Variants in SPEF2 observed in about 807,000 individuals in gnomAD.
SPEF2 encodes the protein sperm flagella and cilia-associated protein 2.
A neutral mutation model predicts 224.6 loss-of-function variants in SPEF2; 187 were observed. The ratio of observed to expected loss-of-function variants is 0.83; its 90% confidence interval spans 0.74 to 0.94. The LOEUF is 0.94. Ranked by LOEUF, SPEF2 falls within the 40% of genes least tolerant of loss-of-function variation. SPEF2 has a pLI of 0.00. For missense variants in SPEF2, 2,170 were observed against 2,135.6 expected (o/e 1.02, Z -0.32); for synonymous variants, 715 against 707.3 (o/e 1.01, Z -0.17).
intron 19 of SPEF2, chr5:35,709,992 A>T (rs2149593318): frequency 1.0e-6 from 1 of 982,420 alleles, no homozygotes; most frequent in African/African-American, 1.7e-5. Flanking sequence ...ATAGGTCTTA[A>T]TTTTTAAAAT....
At chr5:35,802,687 G>A (rs545092139) in intron 34 of SPEF2, among the ~76,000 whole-genome samples, 3 of 152,318 alleles carry the variant, frequency 2.0e-5, no homozygotes, top group African/African-American at 7.2e-5. Flanking sequence ...AGCACTTGAA[G>A]TGAGGACAAC....
rs565256061 is a variant in SPEF2, at chr5:35,753,679, A to T, written c.3386A>T (p.Gln1129Leu). The T allele has an allele frequency of 1.2e-6, 2 of 1,614,190 alleles. No homozygotes were observed. Among genetic ancestry groups the T allele is most frequent in the South Asian group, 2.2e-5 (2 of 91,074 alleles). ...GATGCCCGGAAGGAAGAGGCGGAGC[A>T]GGAGCGGCTTGACATCATTAATGAG... ...ICDARKEEAE[Q>L]ERLDIINESW... The change falls in exon 24 of 37, where the codon CAG becomes CTG. Residue 1129 changes from glutamine (Q) to leucine (L), a missense_variant. Gln to Leu is a moderately radical substitution (Grantham distance 113). Transcript: ENST00000356031.
At chr5:35,739,437 C>A (rs1466126804) in intron 21 of SPEF2, among the ~76,000 whole-genome samples, 2 of 152,162 alleles carry the variant, frequency 1.3e-5, no homozygotes, top group Non-Finnish European at 2.9e-5. Flanking sequence ...GGCTGGAGTG[C>A]AACAGCATGA....
intron 2 of SPEF2, among the ~76,000 whole-genome samples, chr5:35,640,429 A>G (rs761011281): frequency 6.6e-6 from 1 of 152,212 alleles, no homozygotes; most frequent in Non-Finnish European, 1.5e-5. Context: ...GAATGGAAGC[A>G]CATGTCATTG....
rs754295649 is a variant in SPEF2 at position 35,617,953 on chromosome 5, CGAGT to C, written c.-44_-41del. The C allele has an allele frequency of 4.5e-6, 7 of 1,550,090 alleles. No individual in the cohort carries two copies. Among genetic ancestry groups the C allele is most frequent in the Non-Finnish European group, 6.1e-6 (7 of 1,143,386 alleles). On this transcript the variant is annotated 5_prime_UTR_variant, in exon 1 of 37. Transcript: ENST00000356031. ...GCGGGCTGGCAGGCTTGGTTCCTGG[CGAGT>C]TTCTAAGCCCCCGCCTGCGGTCTGA... is the stretch of plus-strand genomic sequence containing the variant.
intron 21 of SPEF2, among the ~76,000 whole-genome samples, chr5:35,733,175 C>T (rs1745942740): frequency 6.6e-6 from 1 of 151,860 alleles, no homozygotes. Context: ...AGTGCAGTGG[C>T]ATGATCTTGG....
intron 24 of SPEF2, among the ~76,000 whole-genome samples, chr5:35,754,063 C>G (rs566008768): frequency 6.6e-6 from 1 of 152,242 alleles, no homozygotes; most frequent in South Asian, 2.1e-4. Flanking sequence ...AGTTATCTCA[C>G]CAGACTCTCA....
chr5:35,727,616 A>C, intron 20 of SPEF2, 59 bp from the exon 21 acceptor site: 7 of 1,420,452 alleles, frequency 4.9e-6, no homozygotes, highest in Non-Finnish European at 6.8e-6. Context: ...GTATTCATCT[A>C]CCAGAATTCT....
intron 34 of SPEF2, 130 bp from the exon 35 acceptor site, chr5:35,806,577 G>C: frequency 8.6e-7 from 1 of 1,157,826 alleles, no homozygotes; most frequent in South Asian, 1.6e-5. Context: ...CTCTAGACTG[G>C]TTAGCTAGTT....
chr5:35,643,787 AC>A, intron 3 of SPEF2: 1 of 263,344 alleles, frequency 3.8e-6, no homozygotes, highest in Non-Finnish European at 7.7e-6. Context: ...ATATTATCTC[AC>A]TGGATCTTCA....
chr5:35,703,827 G>A (rs1412684982), intron 16 of SPEF2, among the ~76,000 whole-genome samples: 1 of 152,180 alleles, frequency 6.6e-6, no homozygotes, highest in Non-Finnish European at 1.5e-5. Flanking sequence ...TGGAGATGAA[G>A]AACAACTGAT....
chr5:35,790,311 A>G (rs996472532), intron 30 of SPEF2: 11 of 596,768 alleles, frequency 1.8e-5, no homozygotes, highest in African/African-American at 1.1e-4. Context: ...ACCGTCTTCA[A>G]CTGGTGACAC....
chr5:35,768,435 A>G (rs1177747364), intron 26 of SPEF2, among the ~76,000 whole-genome samples: 1 of 152,166 alleles, frequency 6.6e-6, no homozygotes, highest in Non-Finnish European at 1.5e-5. Flanking sequence ...TTAGAAAGGG[A>G]GGATCATATA....
chr5:35,635,256 A>C (rs1310176769), intron 2 of SPEF2, among the ~76,000 whole-genome samples: 1 of 151,960 alleles, frequency 6.6e-6, no homozygotes, highest in Non-Finnish European at 1.5e-5. Flanking sequence ...TGTACTTTTC[A>C]ACTTCAGAAT....
intron 1 of SPEF2, among the ~76,000 whole-genome samples, chr5:35,619,469 T>C (rs1315320878): frequency 6.6e-6 from 1 of 151,974 alleles, no homozygotes; most frequent in East Asian, 1.9e-4. Context: ...GATCATGAGG[T>C]CAGGAGTTCG....
At chr5:35,722,992 G>A (rs1744014921) in intron 20 of SPEF2, among the ~76,000 whole-genome samples, 1 of 152,030 alleles carries the variant, frequency 6.6e-6, no homozygotes, top group African/African-American at 2.4e-5. Flanking sequence ...GGTTTAAAGG[G>A]TGAGTAAAGC....
intron 33 of SPEF2, among the ~76,000 whole-genome samples, chr5:35,798,592 T>C (rs905149016): frequency 1.3e-5 from 2 of 152,152 alleles, no homozygotes; most frequent in Admixed American, 6.5e-5. Context: ...AATCACTACA[T>C]AGTTTACCTA....
At chr5:35,794,557 G>A (rs1756404573) in intron 32 of SPEF2, among the ~76,000 whole-genome samples, 1 of 152,148 alleles carries the variant, frequency 6.6e-6, no homozygotes, top group African/African-American at 2.4e-5. Context: ...TTGTTAAGGT[G>A]GTTTTGTTTG....
chr5:35,649,857 G>C (rs1386376128), intron 6 of SPEF2, among the ~76,000 whole-genome samples: 1 of 152,182 alleles, frequency 6.6e-6, no homozygotes, highest in Non-Finnish European at 1.5e-5. Flanking sequence ...TTAAACAAAT[G>C]TCACTAAGAC....
Sources: gnomAD v4.1 joint callset for allele counts (sites outside exome capture counted in the v4.1 genomes callset) on GRCh38, gnomAD v4.1.1 for gene constraint, MANE v1.5 for transcripts, NCBI Gene and HGNC (gene_info 2026-07-23, HGNC 2026-07-21) for gene names.